SHANK2: variants seen among roughly 807,000 people sequenced by gnomAD.
SHANK2 encodes the protein SH3 and multiple ankyrin repeat domains protein 2.
SHANK2 carries 43 observed loss-of-function variants against 133.7 expected under a neutral mutation model. The observed-to-expected ratio is 0.32, with a 90% CI of 0.25 to 0.41. SHANK2 has a LOEUF of 0.41. Ranked by LOEUF, SHANK2 falls within the 10% of genes least tolerant of loss-of-function variation. The pLI is 1.00. For synonymous variants in SHANK2, 1,017 were observed against 952.8 expected (o/e 1.07, Z -1.24); for missense variants, 1,994 against 2,235.8 (o/e 0.89, Z 2.18).
intron 11 of SHANK2, among the ~76,000 whole-genome samples, chr11:70,872,552 G>A (rs1270466189): frequency 2.0e-5 from 3 of 151,978 alleles, no homozygotes; most frequent in African/African-American, 7.2e-5. Flanking sequence ...CTGGATGGAG[G>A]GAAGAGAGAC....
At chr11:70,588,860 C>G (rs2060286494) in intron 17 of SHANK2, among the ~76,000 whole-genome samples, 1 of 152,212 alleles carries the variant, frequency 6.6e-6, no homozygotes, top group African/African-American at 2.4e-5. Flanking sequence ...CTCTGTCGCC[C>G]AGGCTGGAGT....
chr11:71,200,600 T>G (rs375052433), intron 2 of SHANK2, among the ~76,000 whole-genome samples: 30 of 152,224 alleles, frequency 2.0e-4, no homozygotes, highest in African/African-American at 6.0e-4. Flanking sequence ...TAACTCTACA[T>G]TTAACTTCAC....
chr11:71,198,005 T>C (rs2135611156), intron 2 of SHANK2, among the ~76,000 whole-genome samples: 1 of 152,280 alleles, frequency 6.6e-6, no homozygotes, highest in Admixed American at 6.5e-5. Context: ...CTGCTAAGGA[T>C]GGTGAAAGCG....
At chr11:70,614,817 C>T (rs2060716627) in intron 17 of SHANK2, among the ~76,000 whole-genome samples, 1 of 152,238 alleles carries the variant, frequency 6.6e-6, no homozygotes, top group Non-Finnish European at 1.5e-5. Flanking sequence ...GAGCCCTTCT[C>T]AACACAGGGC....
chr11:70,833,558 A>C (rs1316152462), intron 11 of SHANK2, among the ~76,000 whole-genome samples: 2 of 152,220 alleles, frequency 1.3e-5, no homozygotes, highest in Admixed American at 1.3e-4. Context: ...CCACAAGGTA[A>C]CTGTCCATGA....
intron 17 of SHANK2, among the ~76,000 whole-genome samples, chr11:70,612,064 G>GC (rs2060666166): frequency 6.6e-6 from 1 of 152,182 alleles, no homozygotes; most frequent in South Asian, 2.1e-4. Flanking sequence ...CGGCGTCCGG[G>GC]CGTGACACAG....
chr11:71,251,437 C>T (rs571554293), intron 1 of SHANK2, among the ~76,000 whole-genome samples: 174 of 152,176 alleles, frequency 1.1e-3, no homozygotes, highest in African/African-American at 4.1e-3. Flanking sequence ...CCGGCGGCTC[C>T]AGCCCAAGTG....
At chr11:70,916,283 C>T (rs575766407) in intron 10 of SHANK2, among the ~76,000 whole-genome samples, 26 of 152,236 alleles carry the variant, frequency 1.7e-4, no homozygotes, top group East Asian at 5.8e-4. Context: ...TTAATACTCA[C>T]GGGCACTGTC....
intron 14 of SHANK2, among the ~76,000 whole-genome samples, chr11:70,792,684 G>A (rs1044204792): frequency 1.3e-5 from 2 of 152,214 alleles, no homozygotes; most frequent in Non-Finnish European, 2.9e-5. Context: ...TGCAAGCAAG[G>A]TCTACTGTGT....
chr11:70,800,336 T>C (rs1295846015), intron 13 of SHANK2, among the ~76,000 whole-genome samples: 5 of 152,260 alleles, frequency 3.3e-5, no homozygotes, highest in African/African-American at 9.6e-5. Context: ...GTATCTTACT[T>C]AGGACTTTGG....
At chr11:70,625,757 A>C (rs557765756) in intron 17 of SHANK2, among the ~76,000 whole-genome samples, 1 of 141,458 alleles carries the variant, frequency 7.1e-6, no homozygotes, top group South Asian at 2.5e-4. Context: ...GAGGTCCACA[A>C]GCCCAAGCTG....
intron 11 of SHANK2, among the ~76,000 whole-genome samples, chr11:70,891,504 A>G (rs1949845781): frequency 6.6e-6 from 1 of 151,840 alleles, no homozygotes; most frequent in Non-Finnish European, 1.5e-5. Context: ...TCTGTCTTAA[A>G]AAACAAAAAC....
intron 17 of SHANK2, among the ~76,000 whole-genome samples, chr11:70,532,669 C>T (rs1478858538): frequency 6.6e-6 from 1 of 151,806 alleles, no homozygotes; most frequent in Non-Finnish European, 1.5e-5. Flanking sequence ...AGTGGGAATG[C>T]AGAATGGTGC....
intron 11 of SHANK2, among the ~76,000 whole-genome samples, chr11:70,845,198 C>CAAAAAAAAAAAA: frequency 1.9e-5 from 1 of 51,654 alleles, no homozygotes; most frequent in East Asian, 5.7e-4. Context: ...GACTCTGTCT[C>CAAAAAAAAAAAA]AAAAAAAAAA....
intron 10 of SHANK2, among the ~76,000 whole-genome samples, chr11:70,945,425 A>T (rs1555085187): frequency 6.6e-6 from 1 of 152,160 alleles, no homozygotes; most frequent in Non-Finnish European, 1.5e-5. Flanking sequence ...GTTATCAGCC[A>T]CACCTACGGC....
intron 11 of SHANK2, among the ~76,000 whole-genome samples, chr11:70,821,866 G>A (rs187666436): frequency 3.9e-5 from 6 of 152,340 alleles, no homozygotes; most frequent in Non-Finnish European, 7.3e-5. Context: ...TGGGGACTGT[G>A]TGAGGAAGCA....
intron 14 of SHANK2, among the ~76,000 whole-genome samples, chr11:70,729,346 CAGAA>C (rs1946235907): frequency 6.6e-6 from 1 of 151,974 alleles, no homozygotes; most frequent in Non-Finnish European, 1.5e-5. Context: ...TCCACAGAGG[CAGAA>C]AACAGACTGG....
At chr11:70,704,590 C>T (rs560504976) in intron 14 of SHANK2, among the ~76,000 whole-genome samples, 7 of 152,170 alleles carry the variant, frequency 4.6e-5, no homozygotes, top group African/African-American at 1.7e-4. Context: ...TGTAGTCTGA[C>T]TGCTGAGAAA....
At chr11:70,801,266 T>C (rs185058535) in intron 13 of SHANK2, among the ~76,000 whole-genome samples, 99 of 152,330 alleles carry the variant, frequency 6.5e-4, no homozygotes, top group African/African-American at 2.3e-3. Context: ...TATGAAAGGC[T>C]GTTTCCAATG....
Sources: gnomAD v4.1 joint callset for allele counts (sites outside exome capture counted in the v4.1 genomes callset) on GRCh38, gnomAD v4.1.1 for gene constraint, MANE v1.5 for transcripts, NCBI Gene and HGNC (gene_info 2026-07-23, HGNC 2026-07-21) for gene names.